CENPK: variants seen among roughly 807,000 people sequenced by gnomAD.
CENPK encodes SoxLZ/Sox6-binding protein Solt.
A neutral mutation model predicts 40.9 loss-of-function variants in CENPK; 46 were observed. The observed-to-expected ratio is 1.13, with a 90% CI of 0.89 to 1.44. The LOEUF is 1.44. Among genes scored for constraint, CENPK ranks in the 40% most tolerant of loss-of-function variants. The pLI is 0.00. For missense variants in CENPK, 288 were observed against 303.5 expected, an observed-to-expected ratio of 0.95 and a Z score of 0.38; for synonymous variants, 107 against 104.4, an observed-to-expected ratio of 1.02 and a Z score of -0.15.
Position 65,555,442 on chromosome 5 carries a change from G to C in CENPK, c.-39-496C>G, listed in dbSNP as rs148716807. Among the ~76,000 whole-genome samples, 9 of 152,336 alleles carry C rather than the reference G, an allele frequency of 5.9e-5. No homozygotes were observed. In the East Asian group the frequency reaches 9.6e-4, roughly 16 times the overall value. On this transcript the variant is annotated intron_variant, in intron 2 of 10. Coordinates refer to ENST00000396679, the MANE Select transcript of CENPK (RefSeq NM_022145.5). ...AGACAGAGTAGAATATGAGGTCAGA[G>C]AGACAATAGGGATGAGATCATGTGG...
intron 9 of CENPK, among the ~76,000 whole-genome samples, chr5:65,526,391 A>G (rs1174070041): frequency 1.3e-5 from 2 of 152,234 alleles, no homozygotes; most frequent in Non-Finnish European, 2.9e-5. Flanking sequence ...GACACAGCCC[A>G]TAACAAATGT....
chr5:65,552,825 G>A (rs1750326418), intron 3 of CENPK, among the ~76,000 whole-genome samples: 1 of 150,194 alleles, frequency 6.7e-6, no homozygotes, highest in African/African-American at 2.4e-5. Context: ...TCAGATAATT[G>A]GAAAGTGGGA....
chr5:65,518,326 A>C lies in CENPK; in HGVS notation c.*149T>G. On this transcript the variant is annotated 3_prime_UTR_variant, in exon 11 of 11. Transcript: ENST00000396679. Reference sequence around the variant, plus strand: ...AGAAATGACCATTTAAAAATGAATAATAGATGGCAGCACATGCCATTTTGC... The same window carrying C: ...AGAAATGACCATTTAAAAATGAATACTAGATGGCAGCACATGCCATTTTGC... The C allele has an allele frequency of 1.4e-6, 1 of 692,942 alleles. No individual in the cohort carries two copies. The highest frequency in any genetic ancestry group is 2.8e-5 in the East Asian group (1 of 35,806). 42.9% of individuals were successfully genotyped at this position (692,942 alleles called of 1,614,324 possible).
intron 6 of CENPK, among the ~76,000 whole-genome samples, chr5:65,537,737 A>G (rs546100459): frequency 1.2e-4 from 19 of 152,108 alleles, no homozygotes; most frequent in Admixed American, 2.6e-4. Context: ...ATATTTTAGC[A>G]TGTATCTCCA....
chr5:65,532,910 C>CCAAAA lies in CENPK; in HGVS notation c.289-3712_289-3711insTTTTG, dbSNP rs1469972529. Among the ~76,000 whole-genome samples, 4 of 37,014 alleles carry CCAAAA rather than the reference C, an allele frequency of 1.1e-4. 1 individual carries two copies. The South Asian group carries it at 3.6e-3, about 33-fold the overall frequency. 24.3% of individuals were successfully genotyped at this position (37,014 alleles called of 152,430 possible). On this transcript the variant is annotated intron_variant, in intron 6 of 10. Transcript: ENST00000396679. ...GACAACAAGAGCGAAACTCCATCTC[C>CCAAAA]AAAAAAAAAAAAAAAAAAAAAAAAA...
intron 6 of CENPK, among the ~76,000 whole-genome samples, chr5:65,535,259 G>A (rs1746662565): frequency 6.6e-6 from 1 of 152,126 alleles, no homozygotes; most frequent in Non-Finnish European, 1.5e-5. Flanking sequence ...GGAGGGAGGT[G>A]AAAAGACAGT....
Position 65,528,597 on chromosome 5 carries a change from T to A in CENPK, c.471-19A>T. On this transcript the variant is annotated intron_variant, in intron 8 of 10. Coordinates refer to ENST00000396679, the MANE Select transcript of CENPK (RefSeq NM_022145.5). Reference sequence around the variant, plus strand: ...AAAGATTCTAATAGATTAAAAAAATTAAGAGAAACATTTAACTGATAAAAC... The same window carrying A: ...AAAGATTCTAATAGATTAAAAAAATAAAGAGAAACATTTAACTGATAAAAC... The A allele has an allele frequency of 6.7e-7, 1 of 1,499,478 alleles. No homozygotes were observed. The highest frequency in any genetic ancestry group is 8.9e-7 in the Non-Finnish European group (1 of 1,126,214). The allele number at this position is 1,499,478 out of a possible 1,614,324, so 92.9% of individuals were successfully genotyped here. A position where few individuals can be genotyped will look rare whatever the true frequency, so the allele number is the denominator to read the frequency against.
chr5:65,526,451 A>G (rs1744723171), intron 9 of CENPK, among the ~76,000 whole-genome samples: 1 of 152,222 alleles, frequency 6.6e-6, no homozygotes, highest in Non-Finnish European at 1.5e-5. Flanking sequence ...GAACACAGAT[A>G]GTAAAAACAA....
intron 5 of CENPK, among the ~76,000 whole-genome samples, chr5:65,550,296 T>C (rs1280073564): frequency 6.6e-6 from 1 of 152,218 alleles, no homozygotes; most frequent in Non-Finnish European, 1.5e-5. Context: ...AACTTAATCA[T>C]TTCTAGCTTT....
In CENPK at chr5:65,528,208, T is replaced by C. The variant is rs569130388; in HGVS notation, c.597+244A>G. 6.1e-3 allele frequency among the ~76,000 whole-genome samples: 933 copies of C among 152,288 alleles called. 6 individuals carry two copies. Among genetic ancestry groups the C allele is most frequent in the Non-Finnish European group, 8.5e-3 (577 of 68,014 alleles). Reference sequence around the variant, plus strand: ...GTGAGCTGAGATCACGCCACTGAACTACAGCCTGGGTGACAGAGAGAGACT... The same window carrying C: ...GTGAGCTGAGATCACGCCACTGAACCACAGCCTGGGTGACAGAGAGAGACT... On this transcript the variant is annotated intron_variant, in intron 9 of 10. Transcript: ENST00000396679.
Position 65,551,604 on chromosome 5 carries a change from T to TA in CENPK, c.200dup (p.Leu67PhefsTer4), listed in dbSNP as rs1388017290. 3.2e-6 allele frequency: 5 copies of TA among 1,578,604 alleles called. No individual in the cohort carries two copies. The highest frequency in any genetic ancestry group is 4.3e-6 in the Non-Finnish European group (5 of 1,161,684). On this transcript the variant is annotated frameshift_variant, in exon 5 of 11. Coordinates refer to ENST00000396679, the MANE Select transcript of CENPK (RefSeq NM_022145.5). LOFTEE classifies it high-confidence loss of function. ...TCTGCCATTGACTGAGTTCAGCGGT[T>TA]AAACATTTTACTTGCATAATTAACA...
In CENPK at chr5:65,544,380, A is replaced by G. The variant is rs571918990; in HGVS notation, c.242-1532T>C. ...CAGACAGCTACTATCAAAAAAACAGAAAGTAACAAGTGTTAACAAGGATGT... is the reference window on the plus strand; with the variant it reads ...CAGACAGCTACTATCAAAAAAACAGGAAGTAACAAGTGTTAACAAGGATGT... On this transcript the variant is annotated intron_variant, in intron 5 of 10. Transcript: ENST00000396679. Among the ~76,000 whole-genome samples, 8 of 152,334 alleles carry G rather than the reference A, an allele frequency of 5.3e-5. No homozygotes were observed. In the East Asian group the frequency reaches 1.5e-3, roughly 29 times the overall value.
chr5:65,503,112 T>A, the CENPK span, among the ~76,000 whole-genome samples: 89 of 110,214 alleles, frequency 8.1e-4, 1 homozygote, highest in African/African-American at 2.2e-3. Context: ...AATGTAATAT[T>A]TTTTTTTTTT....
chr5:65,554,145 T>A lies in CENPK; in HGVS notation c.111+652A>T, dbSNP rs150742130. 8.5e-3 allele frequency among the ~76,000 whole-genome samples: 1,202 copies of A among 142,144 alleles called. 17 individuals carry two copies. Among genetic ancestry groups the A allele is most frequent in the African/African-American group, 0.028 (1,039 of 37,500 alleles). The allele number at this position is 142,144 out of a possible 152,430, so 93.3% of individuals were successfully genotyped here. ...TTTAGAAATGAAACCAGTAATTATT[T>A]TTTTTTTTTTTTGAGACGGAGTCTC... On this transcript the variant is annotated intron_variant, in intron 3 of 10. Transcript: ENST00000396679.
Position 65,517,843 on chromosome 5 carries a change from GTAA to G in CENPK, c.*629_*631del, listed in dbSNP as rs1331567359. 1 of 151,900 alleles carries G rather than the reference GTAA, an allele frequency of 6.6e-6. No homozygotes were observed. Among genetic ancestry groups the G allele is most frequent in the Non-Finnish European group, 1.5e-5 (1 of 67,906 alleles). The allele number at this position is 151,900 out of a possible 1,614,324, so 9.4% of individuals were successfully genotyped here. ...AAATGTCATGAATACAATTTTGTTG[GTAA>G]TAATTAGCAGAATCAAGAGTAGATT... On this transcript the variant is annotated 3_prime_UTR_variant, in exon 11 of 11. Coordinates refer to ENST00000396679, the MANE Select transcript of CENPK (RefSeq NM_022145.5).
the CENPK span, among the ~76,000 whole-genome samples, chr5:65,500,000 A>G: frequency 3.8e-5 from 3 of 78,264 alleles, no homozygotes; most frequent in Non-Finnish European, 8.3e-5. Flanking sequence ...ACATGAACTC[A>G]TCATTTTTTA....
chr5:65,563,123 C>T lies in CENPK; in HGVS notation c.-167G>A. On this transcript the variant is annotated 5_prime_UTR_variant, in exon 1 of 11. Coordinates refer to ENST00000396679, the MANE Select transcript of CENPK (RefSeq NM_022145.5). ...CATCACAGCGTCACAAACTCCAGGT[C>T]GCCTAGGCGCTGCGCAGGAAGCGCT... 3.0e-6 allele frequency: 2 copies of T among 661,030 alleles called. No homozygotes were observed. The highest frequency in any genetic ancestry group is 5.0e-6 in the Non-Finnish European group (2 of 401,610). The allele number at this position is 661,030 out of a possible 1,614,324, so 40.9% of individuals were successfully genotyped here.
At chr5:65,537,952 C>A (rs1014977897) in intron 6 of CENPK, among the ~76,000 whole-genome samples, 6 of 152,110 alleles carry the variant, frequency 3.9e-5, no homozygotes, top group Non-Finnish European at 8.8e-5. Context: ...GAAACTGCTG[C>A]GACATAGAGT....
At chr5:65,517,305 G>A (rs1299555352), downstream of CENPK, among the ~76,000 whole-genome samples, 1 of 152,108 alleles carries the variant, frequency 6.6e-6, no homozygotes, top group African/African-American at 2.4e-5. Flanking sequence ...GTACTTCACG[G>A]ACAACAGTAC....
Sources: allele counts gnomAD v4.1 joint callset (sites outside exome capture counted in the v4.1 genomes callset), GRCh38; gene constraint gnomAD v4.1.1; transcripts MANE v1.5; gene names NCBI Gene and HGNC (gene_info 2026-07-23, HGNC 2026-07-21).